MMRN1: variants seen among roughly 807,000 people sequenced by gnomAD.
The protein encoded by MMRN1 is multimerin-1.
In MMRN1, 94 loss-of-function variants were observed where a neutral mutation model predicts 100.7. The observed-to-expected ratio is 0.93, with a 90% CI of 0.79 to 1.11. The LOEUF is 1.11. MMRN1 is among the 50% of genes least tolerant of loss of function. The pLI, the probability that MMRN1 is intolerant of heterozygous loss-of-function variation, is 0.00. For synonymous variants in MMRN1, 575 were observed against 505.0 expected, an observed-to-expected ratio of 1.14 and a Z score of -1.86; for missense variants, 1,606 against 1,439.1, an observed-to-expected ratio of 1.12 and a Z score of -1.88.
intron 6 of MMRN1, among the ~76,000 whole-genome samples, chr4:89,947,831 G>A (rs1723034849): frequency 6.6e-6 from 1 of 152,074 alleles, no homozygotes; most frequent in Non-Finnish European, 1.5e-5. Flanking sequence ...AAATAAGTCA[G>A]GTGGTGTACA....
At chr4:89,931,558 C>T (rs1722434897) in intron 5 of MMRN1, among the ~76,000 whole-genome samples, 1 of 151,938 alleles carries the variant, frequency 6.6e-6, no homozygotes, top group Admixed American at 6.6e-5. Flanking sequence ...TTAAAAAAAC[C>T]TGAGACAGGG....
intron 2 of MMRN1, among the ~76,000 whole-genome samples, chr4:89,911,328 T>C (rs1721741716): frequency 6.6e-6 from 1 of 151,416 alleles, no homozygotes; most frequent in South Asian, 2.1e-4. Flanking sequence ...TATGGTTTCA[T>C]CTTAAAAATA....
At chr4:89,894,840 C>A, upstream of MMRN1, 2 of 1,427,682 alleles carry the variant, frequency 1.4e-6, no homozygotes, top group South Asian at 1.5e-5. Flanking sequence ...AACACAGAAA[C>A]CTGTTTCCTC....
At position 89,953,525 on chromosome 4, in the gene MMRN1, A is replaced by G; in HGVS notation, c.*107A>G. 1.0e-6 allele frequency: 1 copy of G among 984,966 alleles called. No homozygotes were observed. The allele number at this position is 984,966 out of a possible 1,614,324, so 61.0% of individuals were successfully genotyped here. ...TTTGGTTTTTCTACAGGAAATGAAAATCAACTTGTTTTTTTAATATGAGTA... is the reference window on the plus strand; with the variant it reads ...TTTGGTTTTTCTACAGGAAATGAAAGTCAACTTGTTTTTTTAATATGAGTA... On this transcript the variant is annotated 3_prime_UTR_variant, in exon 8 of 8. Transcript: ENST00000264790.
intron 6 of MMRN1, among the ~76,000 whole-genome samples, chr4:89,940,182 C>A (rs115675397): frequency 6.1e-4 from 93 of 152,274 alleles, no homozygotes; most frequent in African/African-American, 2.0e-3. Context: ...CTTATCCCTG[C>A]AGAGAGCTTT....
intron 4 of MMRN1, among the ~76,000 whole-genome samples, chr4:89,925,658 T>C (rs1055085505): frequency 3.9e-5 from 6 of 151,950 alleles, no homozygotes; most frequent in South Asian, 2.1e-4. Flanking sequence ...GGTGAAACCC[T>C]GTCTCTACTC....
At chr4:89,914,105 C>T (rs1721839586) in intron 3 of MMRN1, among the ~76,000 whole-genome samples, 1 of 151,306 alleles carries the variant, frequency 6.6e-6, no homozygotes. Flanking sequence ...TTCATTATAT[C>T]TCTCCTGGGA....
rs1322150729 is a variant in MMRN1, at chr4:89,935,118, G to A, written c.1438G>A (p.Glu480Lys). The change falls in exon 6 of 8, where the codon GAA becomes AAA. Residue 480 changes from glutamate (E) to lysine (K), a missense_variant. Glu to Lys is a moderately conservative substitution (Grantham distance 56). Transcript: ENST00000264790. ...MTLTCEKPIK[E>K]LEVKQTHLEG... Reference sequence around the variant, plus strand: ...TCTTACATGTGAGAAGCCTATTAAAGAACTAGAAGTAAAGCAGACTCATTT... The same window carrying A: ...TCTTACATGTGAGAAGCCTATTAAAAAACTAGAAGTAAAGCAGACTCATTT... 1.2e-6 allele frequency: 2 copies of A among 1,613,546 alleles called. No individual in the cohort carries two copies. Among genetic ancestry groups the A allele is most frequent in the African/African-American group, 2.7e-5 (2 of 74,908 alleles).
intron 1 of MMRN1, among the ~76,000 whole-genome samples, chr4:89,902,549 C>T (rs956555127): frequency 6.6e-6 from 1 of 151,928 alleles, no homozygotes; most frequent in Admixed American, 6.6e-5. Context: ...GCCATACATT[C>T]GGCTCGTTCT....
rs768734762 is a variant in MMRN1 at position 89,895,328 on chromosome 4, C to A, written c.357C>A (p.Thr119=). ...VVKLQNLTLP[T]NASIKFNPGA... ...AGTTACAGAATCTTACCCTCCCAACCAACGCTAGCATCAAGTTCAATCCTG... is the reference window on the plus strand; with the variant it reads ...AGTTACAGAATCTTACCCTCCCAACAAACGCTAGCATCAAGTTCAATCCTG... The change falls in exon 1 of 8, where the codon ACC becomes ACA. Residue 119 remains threonine, a synonymous_variant. Coordinates refer to ENST00000264790, the MANE Select transcript of MMRN1 (RefSeq NM_007351.3). 1 of 1,613,916 alleles carries A rather than the reference C, an allele frequency of 6.2e-7. No homozygotes were observed. Among genetic ancestry groups the A allele is most frequent in the East Asian group, 2.2e-5 (1 of 44,824 alleles).
chr4:89,934,556 AG>A (rs991560413), intron 5 of MMRN1, among the ~76,000 whole-genome samples: 5 of 152,148 alleles, frequency 3.3e-5, no homozygotes, highest in Admixed American at 2.6e-4. Flanking sequence ...TTTCATCCAA[AG>A]GACCTTAGTT....
chr4:89,900,990 A>G (rs577914859), intron 1 of MMRN1, among the ~76,000 whole-genome samples: 45 of 152,110 alleles, frequency 3.0e-4, no homozygotes, highest in Admixed American at 1.8e-3. Flanking sequence ...AGAAGGAGGT[A>G]AGTGATCAAC....
intron 3 of MMRN1, among the ~76,000 whole-genome samples, chr4:89,913,286 A>G (rs1721812454): frequency 6.6e-6 from 1 of 151,364 alleles, no homozygotes; most frequent in Non-Finnish European, 1.5e-5. Context: ...TCATGAGATT[A>G]TTAATTCCAT....
In MMRN1 at chr4:89,935,690, A is replaced by G; in HGVS notation, c.2010A>G (p.Glu670=). Residue 670 remains glutamate, a synonymous_variant, in exon 6 of 8, where the codon GAA becomes GAG. Coordinates refer to ENST00000264790, the MANE Select transcript of MMRN1 (RefSeq NM_007351.3). ...RQTMTYEQPK[E]AIVIRKKIEN... The stretch of plus-strand genomic sequence containing the variant: ...CAATGACATATGAACAACCAAAGGA[A>G]GCAATAGTGATAAGGAAAAAGATAG... The G allele has an allele frequency of 2.5e-6, 4 of 1,612,892 alleles. No homozygotes were observed. The highest frequency in any genetic ancestry group is 3.4e-6 in the Non-Finnish European group (4 of 1,179,592).
chr4:89,938,111 A>G (rs1722704221), intron 6 of MMRN1, among the ~76,000 whole-genome samples: 1 of 151,994 alleles, frequency 6.6e-6, no homozygotes, highest in Non-Finnish European at 1.5e-5. Flanking sequence ...CTAACATAAT[A>G]TGACTTCATA....
At chr4:89,885,920 T>A (rs1157633806) in intron 1 of MMRN1, among the ~76,000 whole-genome samples, 2 of 152,066 alleles carry the variant, frequency 1.3e-5, no homozygotes, top group Non-Finnish European at 2.9e-5. Flanking sequence ...TTCTTCCTTC[T>A]ACTAACTTTG....
At position 89,935,519 on chromosome 4, in the gene MMRN1, T is replaced by A. The variant is rs770517824; in HGVS notation, c.1839T>A (p.Asn613Lys). 5.6e-6 allele frequency: 9 copies of A among 1,613,106 alleles called. No individual in the cohort carries two copies. Among genetic ancestry groups the A allele is most frequent in the Non-Finnish European group, 7.6e-6 (9 of 1,179,674 alleles). ...FKFQLKDTEENLHVLNQTLAE... is the reference protein window; with the variant it reads ...FKFQLKDTEEKLHVLNQTLAE... ...TTCAACTTAAGGACACAGAAGAGAA[T>A]TTACATGTGTTAAATCAAACATTGG... Residue 613 changes from asparagine to lysine, a missense_variant, in exon 6 of 8, where the codon AAT (asparagine) becomes AAA (lysine). By Grantham distance (94) the Asn-to-Lys change is moderately conservative. Coordinates refer to ENST00000264790, the MANE Select transcript of MMRN1 (RefSeq NM_007351.3).
upstream of MMRN1, among the ~76,000 whole-genome samples, chr4:89,892,823 T>C (rs1240091588): frequency 6.6e-6 from 1 of 152,042 alleles, no homozygotes; most frequent in African/African-American, 2.4e-5. Flanking sequence ...ATTTTACCAC[T>C]AAAGTTCACT....
intron 1 of MMRN1, among the ~76,000 whole-genome samples, chr4:89,899,746 T>A (rs1256196459): frequency 1.3e-5 from 2 of 152,160 alleles, no homozygotes; most frequent in African/African-American, 4.8e-5. Context: ...TCTTTGGCAT[T>A]TTTCTCTCCC....
Sources: gnomAD v4.1 joint callset for allele counts (sites outside exome capture counted in the v4.1 genomes callset) on GRCh38, gnomAD v4.1.1 for gene constraint, MANE v1.5 for transcripts, NCBI Gene and HGNC (gene_info 2026-07-23, HGNC 2026-07-21) for gene names.